Variants in SLC1A2 observed in about 807,000 individuals in gnomAD.
The protein encoded by SLC1A2 is excitatory amino acid transporter 2.
In SLC1A2, 15 loss-of-function variants were observed where a neutral mutation model predicts 48.8. The ratio of observed to expected loss-of-function variants is 0.31; its 90% CI spans 0.21 to 0.47. The LOEUF (loss-of-function observed/expected upper bound fraction) is 0.47. SLC1A2 is among the 20% of genes least tolerant of loss of function. The pLI, the probability that SLC1A2 is intolerant of heterozygous loss-of-function variation, is 0.99. For synonymous variants in SLC1A2, 279 were observed against 272.6 expected (o/e 1.02, Z -0.23); for missense variants, 502 against 730.5 (o/e 0.69, Z 3.61).
At chr11:35,351,577 A>G (rs2135085486) in intron 1 of SLC1A2, among the ~76,000 whole-genome samples, 1 of 152,352 alleles carries the variant, frequency 6.6e-6, no homozygotes, top group South Asian at 2.1e-4. Flanking sequence ...GTGTACATTT[A>G]AAAGGTAAGA....
At chr11:35,318,167 T>C (rs1042239984) in intron 1 of SLC1A2, among the ~76,000 whole-genome samples, 2 of 152,252 alleles carry the variant, frequency 1.3e-5, no homozygotes, top group African/African-American at 4.8e-5. Flanking sequence ...CCAAGAAGTA[T>C]GGCTTTAAGA....
chr11:35,301,725 T>A (rs1851363041), intron 5 of SLC1A2, 80 bp from the exon 6 acceptor site: 1 of 1,357,830 alleles, frequency 7.4e-7, no homozygotes, highest in Non-Finnish European at 1.0e-6. Context: ...CCATTCCCAA[T>A]GTATGGAGCC....
At chr11:35,283,355 A>T (rs1850701894) in intron 8 of SLC1A2, among the ~76,000 whole-genome samples, 1 of 152,234 alleles carries the variant, frequency 6.6e-6, no homozygotes, top group South Asian at 2.1e-4. Flanking sequence ...ATTTTCCTCC[A>T]AACAAACTGC....
At chr11:35,404,805 A>G (rs1855236528) in intron 1 of SLC1A2, among the ~76,000 whole-genome samples, 1 of 152,216 alleles carries the variant, frequency 6.6e-6, no homozygotes, top group Non-Finnish European at 1.5e-5. Context: ...AAAGCAAATA[A>G]AGTAAAAATG....
chr11:35,336,760 A>T (rs1852648543), intron 1 of SLC1A2, among the ~76,000 whole-genome samples: 1 of 152,320 alleles, frequency 6.6e-6, no homozygotes, highest in East Asian at 1.9e-4. Flanking sequence ...TCCATCCTCC[A>T]ATTTTATATT....
intron 1 of SLC1A2, among the ~76,000 whole-genome samples, chr11:35,359,282 G>A (rs1590226259): frequency 6.6e-6 from 1 of 152,290 alleles, no homozygotes; most frequent in African/African-American, 2.4e-5. Context: ...GAAAGTAGAG[G>A]ACATATTCAT....
Position 35,312,467 on chromosome 11 carries a change from C to A in SLC1A2, c.311-19G>T. Reference sequence around the variant, plus strand: ...GACAACCCTGGATTGAAAAGAAATGCAGAAGGATTAATTCTATTACGTTTG... The same window carrying A: ...GACAACCCTGGATTGAAAAGAAATGAAGAAGGATTAATTCTATTACGTTTG... On this transcript the variant is annotated intron_variant, in intron 3 of 10. Transcript: ENST00000278379. The A allele has an allele frequency of 1.9e-6, 3 of 1,613,174 alleles. No individual in the cohort carries two copies. Among genetic ancestry groups the A allele is most frequent in the Non-Finnish European group, 2.5e-6 (3 of 1,179,198 alleles).
At chr11:35,319,798 CCACATCAAAGT>C (rs1302590643) in intron 1 of SLC1A2, among the ~76,000 whole-genome samples, 4 of 152,150 alleles carry the variant, frequency 2.6e-5, no homozygotes, top group Non-Finnish European at 5.9e-5. Flanking sequence ...ATCAAAACAG[CCACATCAAAGT>C]GGCTACATCA....
chr11:35,305,877 C>T (rs1851485430), intron 5 of SLC1A2, among the ~76,000 whole-genome samples, 197 bp downstream of exon 5: 2 of 152,204 alleles, frequency 1.3e-5, no homozygotes, highest in Non-Finnish European at 2.9e-5. Flanking sequence ...TGCCCTGTCC[C>T]CTTATGGTCT....
chr11:35,370,915 A>G (rs552261261), intron 1 of SLC1A2: 1 of 973,756 alleles, frequency 1.0e-6, no homozygotes, highest in South Asian at 4.8e-5. Context: ...TATATGCAAG[A>G]ATACATGAAA....
chr11:35,380,675 T>C (rs927342719), intron 1 of SLC1A2: 198 of 320,428 alleles, frequency 6.2e-4, no homozygotes, highest in African/African-American at 4.0e-3. Flanking sequence ...AATAAATAAA[T>C]AAAAGGGCTG....
intron 1 of SLC1A2, among the ~76,000 whole-genome samples, chr11:35,325,063 A>G (rs890015145): frequency 5.3e-5 from 8 of 152,228 alleles, no homozygotes; most frequent in African/African-American, 1.9e-4. Flanking sequence ...GAACAAGACG[A>G]AAATACATTT....
At chr11:35,404,898 C>T (rs1855238944) in intron 1 of SLC1A2, among the ~76,000 whole-genome samples, 2 of 152,236 alleles carry the variant, frequency 1.3e-5, no homozygotes, top group Admixed American at 1.3e-4. Flanking sequence ...TCGGCTTTGA[C>T]TCTACTTTCA....
chr11:35,342,801 TA>T (rs72455612), intron 1 of SLC1A2, among the ~76,000 whole-genome samples: 109,601 of 151,842 alleles, frequency 0.72, 39,777 homozygotes, highest in Middle Eastern at 0.83. Context: ...AAAATAAAAT[TA>T]AAAAAATAAA....
At chr11:35,333,591 A>T (rs765156571) in intron 1 of SLC1A2, among the ~76,000 whole-genome samples, 9 of 152,208 alleles carry the variant, frequency 5.9e-5, no homozygotes, top group Non-Finnish European at 1.2e-4. Context: ...GTTAATGACG[A>T]AGAGTTGGAA....
At chr11:35,413,330 C>T (rs1404868136) in intron 1 of SLC1A2, among the ~76,000 whole-genome samples, 1 of 152,184 alleles carries the variant, frequency 6.6e-6, no homozygotes, top group Non-Finnish European at 1.5e-5. Flanking sequence ...CTAGCTTTGC[C>T]ACTCACTGGC....
rs914101034 is a variant in SLC1A2, at chr11:35,254,862, G to A, written c.*6032C>T. On this transcript the variant is annotated 3_prime_UTR_variant, in exon 11 of 11. Transcript: ENST00000278379. ...AATATCAAAATGAATATTTGGCCTG[G>A]AGGTTGGAAAGTGAAGCAAGGCTGG... is the stretch of plus-strand genomic sequence containing the variant. The A allele has an allele frequency of 4.4e-6, 2 of 452,348 alleles. No homozygotes were observed. Among genetic ancestry groups the A allele is most frequent in the Non-Finnish European group, 4.4e-6 (1 of 225,550 alleles). The allele number at this position is 452,348 out of a possible 1,614,324, so 28.0% of individuals were successfully genotyped here.
upstream of SLC1A2, among the ~76,000 whole-genome samples, chr11:35,420,334 C>G (rs1565317018): frequency 6.6e-6 from 1 of 151,946 alleles, no homozygotes; most frequent in African/African-American, 2.4e-5. Flanking sequence ...GCCTTCCGGA[C>G]GCCTTTGCAT....
chr11:35,284,090 T>C (rs1024027793), intron 8 of SLC1A2, among the ~76,000 whole-genome samples: 8 of 130,294 alleles, frequency 6.1e-5, no homozygotes, highest in African/African-American at 2.3e-4. Context: ...GATTTTATTA[T>C]ATATATATAT....
Sources: gnomAD v4.1 joint callset for allele counts (sites outside exome capture counted in the v4.1 genomes callset) on GRCh38, gnomAD v4.1.1 for gene constraint, MANE v1.5 for transcripts, NCBI Gene and HGNC (gene_info 2026-07-23, HGNC 2026-07-21) for gene names.